The following ZNF860 variants were observed in gnomAD, a reference collection of about 807,000 sequenced individuals.
ZNF860 encodes the protein zinc finger protein 860.
For missense variants in ZNF860, 641 were observed against 759.2 expected (o/e 0.84, Z 1.83); for synonymous variants, 206 against 248.9 (o/e 0.83, Z 1.62).
At chr3:31,994,491 AGGATGGATGGATGGATGGATGGATGGAT>A (rs200832488), downstream of ZNF860, among the ~76,000 whole-genome samples, 2 of 149,648 alleles carry the variant, frequency 1.3e-5, no homozygotes, top group Admixed American at 1.3e-4. Context: ...AGGGAAAAAA[AGGATGGATGGATGGATGGATGGATGGAT>A]GGATGGATGG....
Position 31,990,458 on chromosome 3 carries a change from G to A in ZNF860, c.1379G>A (p.Gly460Asp). 6.4e-7 allele frequency: 1 copy of A among 1,568,784 alleles called. No individual in the cohort carries two copies. The highest frequency in any genetic ancestry group is 1.2e-5 in the South Asian group (1 of 84,996). Residue 460 changes from glycine (G) to aspartate (D), a missense_variant, in exon 2 of 2, where the codon GGC becomes GAC. Gly to Asp is a moderately conservative substitution (Grantham distance 94). Coordinates refer to ENST00000360311, the MANE Select transcript of ZNF860 (RefSeq NM_001137674.3). ...AAACCTTACAAGTGTAATGAGTGTG[G>A]CAAGACCTTCCATCACAATTCAGCC... ...GEKPYKCNECGKTFHHNSALV... is the reference protein window; with the variant it reads ...GEKPYKCNECDKTFHHNSALV...
rs777399313 is a variant in ZNF860 at position 31,990,844 on chromosome 3, A to G, written c.1765A>G (p.Met589Val). Residue 589 changes from methionine to valine, a missense_variant, in exon 2 of 2, where the codon ATG becomes GTG. Transcript: ENST00000360311. ...SSYAKQRRIHMGEKHHKCDDC... is the reference protein window; with the variant it reads ...SSYAKQRRIHVGEKHHKCDDC... ...TTATGCAAAACAAAGGAGAATTCAT[A>G]TGGGAGAGAAACATCACAAGTGTGA... 5 of 1,585,334 alleles carry G rather than the reference A, an allele frequency of 3.2e-6. No individual in the cohort carries two copies. The African/African-American group carries it at 4.0e-5, about 13-fold the overall frequency.
At chr3:31,998,771 G>T in the ZNF860 span, among the ~76,000 whole-genome samples, 12 of 152,134 alleles carry the variant, frequency 7.9e-5, no homozygotes, top group African/African-American at 2.9e-4. Context: ...ATAGATCCAC[G>T]TCTATTGGTT....
chr3:31,997,411 C>T, the ZNF860 span, among the ~76,000 whole-genome samples: 2 of 151,528 alleles, frequency 1.3e-5, no homozygotes, highest in Non-Finnish European at 2.9e-5. Flanking sequence ...ATTACAAGCA[C>T]GAGCCACCAC....
At chr3:32,000,089 C>T in the ZNF860 span, among the ~76,000 whole-genome samples, 37 of 152,266 alleles carry the variant, frequency 2.4e-4, no homozygotes, top group African/African-American at 8.2e-4. Context: ...TCTAAGTCAG[C>T]CTTCATTTCC....
intron 1 of ZNF860, among the ~76,000 whole-genome samples, chr3:31,984,897 A>C (rs1196530691): frequency 6.6e-6 from 1 of 152,108 alleles, no homozygotes; most frequent in African/African-American, 2.4e-5. Flanking sequence ...GCTATGTCGA[A>C]TTTTTTTTAC....
chr3:31,986,671 A>G (rs1698938318), intron 1 of ZNF860, among the ~76,000 whole-genome samples: 1 of 152,170 alleles, frequency 6.6e-6, no homozygotes, highest in Non-Finnish European at 1.5e-5. Context: ...TTATTATTTT[A>G]TTAAATAGAT....
rs1343678993 is a variant in ZNF860, at chr3:31,988,998, G to A, written c.-82G>A. ...CGAAGTTTGTGATAATTTGTTTCTC[G>A]GAAACAGATAACTAATACAGAGCAG... is the stretch of plus-strand genomic sequence containing the variant. On this transcript the variant is annotated 5_prime_UTR_variant, in exon 2 of 2. Transcript: ENST00000360311. The A allele has an allele frequency of 1.9e-5, 30 of 1,543,978 alleles. No homozygotes were observed. The highest frequency in any genetic ancestry group is 2.4e-5 in the South Asian group (2 of 84,986).
intron 1 of ZNF860, among the ~76,000 whole-genome samples, chr3:31,986,794 C>T (rs186688450): frequency 4.6e-5 from 7 of 152,062 alleles, no homozygotes; most frequent in Non-Finnish European, 7.4e-5. Context: ...GAGGATTGCC[C>T]AGGAGTTCCA....
rs73823917 is a variant in ZNF860 at position 31,982,231 on chromosome 3, G to A, written c.-421+329G>A. Among the ~76,000 whole-genome samples, 1,322 of 152,168 alleles carry A rather than the reference G, an allele frequency of 8.7e-3. 14 individuals carry two copies. Among genetic ancestry groups the A allele is most frequent in the African/African-American group, 0.03 (1,237 of 41,502 alleles). Reference sequence around the variant, plus strand: ...TCTCTGTGTTGGCTGTAACTTCTGCGCCCCTCTTCCTACCTAAAGATACTC... The same window carrying A: ...TCTCTGTGTTGGCTGTAACTTCTGCACCCCTCTTCCTACCTAAAGATACTC... On this transcript the variant is annotated intron_variant, in intron 1 of 1. Coordinates refer to ENST00000360311, the MANE Select transcript of ZNF860 (RefSeq NM_001137674.3).
Position 31,991,161 on chromosome 3 carries a change from T to C in ZNF860, c.*183T>C. ...CATTAAAGTGTTTACGTTAAGAGGATTGGGCTGGGCAGGGTGGCTTATACC... is the reference window on the plus strand; with the variant it reads ...CATTAAAGTGTTTACGTTAAGAGGACTGGGCTGGGCAGGGTGGCTTATACC... On this transcript the variant is annotated 3_prime_UTR_variant, in exon 2 of 2. Transcript: ENST00000360311. The C allele has an allele frequency of 1.5e-6, 1 of 688,808 alleles. No homozygotes were observed. The highest frequency in any genetic ancestry group is 2.4e-6 in the Non-Finnish European group (1 of 411,194). 42.7% of individuals were successfully genotyped at this position (688,808 alleles called of 1,614,324 possible).
chr3:31,993,706 A>ACAC (rs1699060266), downstream of ZNF860, among the ~76,000 whole-genome samples: 1 of 151,846 alleles, frequency 6.6e-6, no homozygotes, highest in African/African-American at 2.4e-5. Flanking sequence ...ACACACACAC[A>ACAC]AAACTGAGGA....
downstream of ZNF860, among the ~76,000 whole-genome samples, chr3:31,992,352 T>G (rs1699042384): frequency 6.6e-6 from 1 of 152,156 alleles, no homozygotes; most frequent in South Asian, 2.1e-4. Context: ...TAGTGGTTAT[T>G]ATAAAACAAT....
At position 31,988,903 on chromosome 3, in the gene ZNF860, C is replaced by T; in HGVS notation, c.-177C>T. The T allele has an allele frequency of 1.3e-6, 1 of 741,898 alleles. No homozygotes were observed. The highest frequency in any genetic ancestry group is 2.2e-6 in the Non-Finnish European group (1 of 460,956). The allele number at this position is 741,898 out of a possible 1,614,324, so 46.0% of individuals were successfully genotyped here. A position where few individuals can be genotyped will look rare whatever the true frequency, so the allele number is the denominator to read the frequency against. ...CAGAGAGACACTGAGCCAGGAACAC[C>T]CAGCTGAAGTGCCTCCAAACCCCGA... On this transcript the variant is annotated 5_prime_UTR_variant, in exon 2 of 2. Transcript: ENST00000360311.
At position 31,990,143 on chromosome 3, in the gene ZNF860, C is replaced by T. The variant is rs934337797; in HGVS notation, c.1064C>T (p.Ser355Leu). The part of the protein sequence containing the change: ...KVCEKAFRRD[S>L]HLTQHTRIHT... ...TGTGAAAAGGCTTTCAGGCGTGATT[C>T]ACACCTCACACAACACACTAGAATT... Residue 355 changes from serine (S) to leucine (L), a missense_variant, in exon 2 of 2, where the codon TCA becomes TTA. Ser to Leu is a moderately radical substitution (Grantham distance 145). Coordinates refer to ENST00000360311, the MANE Select transcript of ZNF860 (RefSeq NM_001137674.3). 3 of 1,611,520 alleles carry T rather than the reference C, an allele frequency of 1.9e-6. No homozygotes were observed. The highest frequency in any genetic ancestry group is 1.7e-6 in the Non-Finnish European group (2 of 1,178,580).
At chr3:31,994,499 TGGA>T (rs1307459617), downstream of ZNF860, among the ~76,000 whole-genome samples, 49 of 146,550 alleles carry the variant, frequency 3.3e-4, no homozygotes, top group East Asian at 1.2e-3. Flanking sequence ...AAAGGATGGA[TGGA>T]TGGATGGATG....
At chr3:32,003,652 G>A in the ZNF860 span, among the ~76,000 whole-genome samples, 5 of 152,128 alleles carry the variant, frequency 3.3e-5, no homozygotes, top group Admixed American at 1.3e-4. Flanking sequence ...CCTCTTTCTC[G>A]TCTCTTCACT....
chr3:31,987,325 C>T (rs1339032447), intron 1 of ZNF860, among the ~76,000 whole-genome samples: 1 of 152,218 alleles, frequency 6.6e-6, no homozygotes, highest in Non-Finnish European at 1.5e-5. Context: ...GAGTATTCCA[C>T]TGTCTATATG....
chr3:32,001,097 G>T, the ZNF860 span, among the ~76,000 whole-genome samples: 1 of 152,266 alleles, frequency 6.6e-6, no homozygotes, highest in East Asian at 1.9e-4. Flanking sequence ...ATCTAGGGGC[G>T]CTGTTGTCTG....
Sources: gnomAD v4.1 joint callset for allele counts (sites outside exome capture counted in the v4.1 genomes callset) on GRCh38, gnomAD v4.1.1 for gene constraint, MANE v1.5 for transcripts, NCBI Gene and HGNC (gene_info 2026-07-23, HGNC 2026-07-21) for gene names.